METTL13: variants seen among roughly 807,000 people sequenced by gnomAD.
METTL13 encodes eEF1A lysine and N-terminal methyltransferase.
A neutral mutation model predicts 67.4 loss-of-function variants in METTL13; 52 were observed. That is an observed-to-expected ratio of 0.77 (90% CI 0.62 to 0.97). METTL13 has a LOEUF of 0.97. Ranked by LOEUF, METTL13 falls within the 50% of genes least tolerant of loss-of-function variation. The pLI, the probability that METTL13 is intolerant of heterozygous loss-of-function variation, is 0.00. For missense variants in METTL13, 825 were observed against 889.6 expected (o/e 0.93, Z 0.92); for synonymous variants, 354 against 353.6 (o/e 1.00, Z -0.01).
rs771902051 is a variant in METTL13, at chr1:171,790,464, G to A, written c.1322G>A (p.Arg441Gln). 47 of 1,597,844 alleles carry A rather than the reference G, an allele frequency of 2.9e-5. No homozygotes were observed. In the Middle Eastern group the frequency reaches 5.0e-4, roughly 17 times the overall value. ...KDVSHKAQKK[R>Q]KKDRKKQRPA... is the part of the protein sequence containing the mutation. ...ATCTCTTGTTTAGCCCAGAAGAAGC[G>A]GAAAAAGGACAGGAAGAAGCAGCGG... The change falls in exon 5 of 8, where the codon CGG becomes CAG. Residue 441 changes from arginine (R) to glutamine (Q), a missense_variant. Arg to Gln is a conservative substitution (Grantham distance 43). Transcript: ENST00000361735.
At chr1:171,788,286 T>C (rs531769254) in intron 4 of METTL13, among the ~76,000 whole-genome samples, 1 of 152,332 alleles carries the variant, frequency 6.6e-6, no homozygotes, top group South Asian at 2.1e-4. Context: ...CCCTCCATAG[T>C]GTGACTCACC....
chr1:171,792,322 T>G, intron 6 of METTL13, 87 bp downstream of exon 6: 2 of 1,434,412 alleles, frequency 1.4e-6, no homozygotes, highest in Non-Finnish European at 1.9e-6. Context: ...AGTTTATCTC[T>G]AAGAGAGTGG....
Position 171,787,917 on chromosome 1 carries a change from T to A in METTL13, c.1296T>A (p.Asp432Glu). Residue 432 changes from aspartate (D) to glutamate (E), a missense_variant, in exon 4 of 8, where the codon GAT becomes GAA. Physicochemically the swap from Asp to Glu is conservative, Grantham distance 45. Coordinates refer to ENST00000361735, the MANE Select transcript of METTL13 (RefSeq NM_015935.5). The stretch of plus-strand genomic sequence containing the variant: ...AGTCCGAAGCCAGGTTGCTGAAGGA[T>A]GTGTCTCACAAAGGTGAGGTGTCAT... ...VVQSEARLLK[D>E]VSHKAQKKRK... The A allele has an allele frequency of 6.2e-7, 1 of 1,613,468 alleles. No homozygotes were observed. The highest frequency in any genetic ancestry group is 8.5e-7 in the Non-Finnish European group (1 of 1,179,902).
rs150575910 is a variant in METTL13 at position 171,783,869 on chromosome 1, C to T, written c.283C>T (p.Arg95Trp). 597 of 1,614,180 alleles carry T rather than the reference C, an allele frequency of 3.7e-4. 2 individuals are homozygous for T. The highest frequency in any genetic ancestry group is 4.8e-4 in the Non-Finnish European group (567 of 1,180,048). Residue 95 changes from arginine to tryptophan, a missense_variant, in exon 2 of 8, where the codon CGG becomes TGG. Physicochemically the swap from Arg to Trp is moderately radical, Grantham distance 101 (BLOSUM62 -3). Coordinates refer to ENST00000361735, the MANE Select transcript of METTL13 (RefSeq NM_015935.5). ...KQMKECNATR[R>W]PQMSFLKMDM... ...AATGAAGGAATGTAATGCCACCCGA[C>T]GGCCCCAGATGAGCTTCTTGAAGAT...
intron 2 of METTL13, among the ~76,000 whole-genome samples, chr1:171,785,549 A>G (rs1453417768): frequency 6.6e-6 from 1 of 152,268 alleles, no homozygotes; most frequent in East Asian, 1.9e-4. Context: ...CTGTTGGAGG[A>G]TTCCATTAAT....
chr1:171,785,879 T>G lies in METTL13; in HGVS notation c.914T>G (p.Ile305Ser). Residue 305 changes from isoleucine (I) to serine (S), a missense_variant and splice_region_variant, in exon 3 of 8, where the codon ATC becomes AGC. Ile to Ser is a moderately radical substitution (Grantham distance 142). Coordinates refer to ENST00000361735, the MANE Select transcript of METTL13 (RefSeq NM_015935.5). Reference protein sequence around the residue: ...SRDNHFAIFIIPQGRETEWLF... With the variant: ...SRDNHFAIFISPQGRETEWLF... ...CCTGTAACCAAGTTCTTTTTTCTAG[T>G]CCCTCAGGGCCGGGAGACCGAGTGG... The G allele has an allele frequency of 6.2e-7, 1 of 1,612,276 alleles. No individual in the cohort carries two copies. The highest frequency in any genetic ancestry group is 1.1e-5 in the South Asian group (1 of 90,880).
At position 171,787,858 on chromosome 1, in the gene METTL13, C is replaced by T. The variant is rs963906263; in HGVS notation, c.1237C>T (p.Arg413Ter). 8 of 1,613,980 alleles carry T rather than the reference C, an allele frequency of 5.0e-6. No individual in the cohort carries two copies. Among genetic ancestry groups the T allele is most frequent in the East Asian group, 2.2e-5 (1 of 44,878 alleles). ...AGGGGATGACAAGCGATACTTCCGT[C>T]GACTGATCTTCCTCAGCAACAGGAA... ...VQGDDKRYFRRLIFLSNRNVV... is the reference protein window; with the variant it reads ...VQGDDKRYFR The change falls in exon 4 of 8, where the codon CGA (arginine) becomes TGA (stop). Residue 413 changes from arginine (R) to a stop codon, truncating the protein, a stop_gained. Transcript: ENST00000361735. LOFTEE classifies it high-confidence loss of function.
In METTL13 at chr1:171,797,571, T is replaced by C. The variant is rs2029870342; in HGVS notation, c.*815T>C. The C allele has an allele frequency of 6.6e-6, 1 of 152,222 alleles. No homozygotes were observed. Among genetic ancestry groups the C allele is most frequent in the African/African-American group, 2.4e-5 (1 of 41,458 alleles). The allele number at this position is 152,222 out of a possible 1,614,324, so 9.4% of individuals were successfully genotyped here. ...ATGAAAGTTAATGTGTTCCAGGCATTCTTCTAAGTGGTTTACATGCACTGT... is the reference window on the plus strand; with the variant it reads ...ATGAAAGTTAATGTGTTCCAGGCATCCTTCTAAGTGGTTTACATGCACTGT... On this transcript the variant is annotated 3_prime_UTR_variant, in exon 8 of 8. Transcript: ENST00000361735.
chr1:171,781,801 G>T lies in METTL13; in HGVS notation c.-167G>T. On this transcript the variant is annotated 5_prime_UTR_variant, in exon 1 of 8. Transcript: ENST00000361735. ...TCCATGCGTGCGTTTGTCGTGTAAG[G>T]GTCATTCCTGGGGTTTGGAGTGGGG... The T allele has an allele frequency of 6.9e-7, 1 of 1,442,772 alleles. No homozygotes were observed. Among genetic ancestry groups the T allele is most frequent in the East Asian group, 2.5e-5 (1 of 39,614 alleles). The allele number at this position is 1,442,772 out of a possible 1,614,324, so 89.4% of individuals were successfully genotyped here.
intron 6 of METTL13, among the ~76,000 whole-genome samples, chr1:171,793,247 G>T (rs1657263959): frequency 6.6e-6 from 1 of 152,240 alleles, no homozygotes. Context: ...GAATTGAATT[G>T]TAACAGTTTC....
rs746619769 is a variant in METTL13 at position 171,784,427 on chromosome 1, C to T, written c.841C>T (p.Arg281Cys). The change falls in exon 2 of 8, where the codon CGC becomes TGC. Residue 281 changes from arginine (R) to cysteine (C), a missense_variant. Arg to Cys is a radical substitution (Grantham distance 180). Coordinates refer to ENST00000361735, the MANE Select transcript of METTL13 (RefSeq NM_015935.5). ...GTGCGATGGGGACACGGGGGAGCCA[C>T]GCTACACCCTCCACGTGGTGGACAG... The part of the protein sequence containing the change: ...DLCDGDTGEP[R>C]YTLHVVDSPT... 26 of 1,522,890 alleles carry T rather than the reference C, an allele frequency of 1.7e-5. No individual in the cohort carries two copies. Among genetic ancestry groups the T allele is most frequent in the African/African-American group, 4.2e-5 (3 of 71,934 alleles). The allele number at this position is 1,522,890 out of a possible 1,614,324, so 94.3% of individuals were successfully genotyped here. A position where few individuals can be genotyped will look rare whatever the true frequency, so the allele number is the denominator to read the frequency against.
chr1:171,796,412 C>A, intron 7 of METTL13, 70 bp from the exon 8 acceptor site: 1 of 1,568,708 alleles, frequency 6.4e-7, no homozygotes, highest in South Asian at 1.2e-5. Flanking sequence ...GTATTTTCCT[C>A]AAAGCCGATC....
At chr1:171,789,491 A>T (rs1657131132) in intron 4 of METTL13, among the ~76,000 whole-genome samples, 1 of 152,212 alleles carries the variant, frequency 6.6e-6, no homozygotes, top group African/African-American at 2.4e-5. Context: ...CAGTCCGAGG[A>T]TCAACTCCTA....
intron 1 of METTL13, among the ~76,000 whole-genome samples, chr1:171,782,412 GA>G (rs1037435483): frequency 6.6e-6 from 1 of 151,552 alleles, no homozygotes; most frequent in African/African-American, 2.4e-5. Context: ...TACAAAAAAT[GA>G]AAAAATTAGC....
intron 5 of METTL13, 146 bp downstream of exon 5, chr1:171,790,762 G>A: frequency 1.2e-6 from 1 of 866,122 alleles, no homozygotes; most frequent in Non-Finnish European, 1.6e-6. Flanking sequence ...ATAAGTTAAT[G>A]AGCATTCTAA....
chr1:171,793,349 G>C (rs1270803654), intron 6 of METTL13, among the ~76,000 whole-genome samples: 2 of 152,234 alleles, frequency 1.3e-5, no homozygotes, highest in African/African-American at 2.4e-5. Context: ...CATGCACATG[G>C]TAAGTACTTA....
chr1:171,789,735 C>A (rs1234371900), intron 4 of METTL13, among the ~76,000 whole-genome samples: 1 of 151,522 alleles, frequency 6.6e-6, no homozygotes, highest in Non-Finnish European at 1.5e-5. Context: ...ACCAGGGCTC[C>A]TCAGTTGAGT....
Position 171,781,803 on chromosome 1 carries a change from T to A in METTL13, c.-165T>A. The A allele has an allele frequency of 6.9e-7, 1 of 1,442,520 alleles. No homozygotes were observed. The highest frequency in any genetic ancestry group is 9.1e-7 in the Non-Finnish European group (1 of 1,099,070). The allele number at this position is 1,442,520 out of a possible 1,614,324, so 89.4% of individuals were successfully genotyped here. A position where few individuals can be genotyped will look rare whatever the true frequency, so the allele number is the denominator to read the frequency against. ...CATGCGTGCGTTTGTCGTGTAAGGGTCATTCCTGGGGTTTGGAGTGGGGGA... is the reference window on the plus strand; with the variant it reads ...CATGCGTGCGTTTGTCGTGTAAGGGACATTCCTGGGGTTTGGAGTGGGGGA... On this transcript the variant is annotated 5_prime_UTR_variant, in exon 1 of 8. Transcript: ENST00000361735.
rs148254472 is a variant in METTL13, at chr1:171,787,776, C to T, written c.1155C>T (p.Thr385=). Reference sequence around the variant, plus strand: ...TGGGTGGGGACATTGGGGTCCGGACCGTTCAGCACCAAGACTGCAGCCCCT... The same window carrying T: ...TGGGTGGGGACATTGGGGTCCGGACTGTTCAGCACCAAGACTGCAGCCCCT... ...LSVGGDIGVR[T]VQHQDCSPLS... The change falls in exon 4 of 8, where the codon ACC becomes ACT. Residue 385 remains threonine, a synonymous_variant. Coordinates refer to ENST00000361735, the MANE Select transcript of METTL13 (RefSeq NM_015935.5). 15 of 1,614,106 alleles carry T rather than the reference C, an allele frequency of 9.3e-6. No homozygotes were observed. The highest frequency in any genetic ancestry group is 5.3e-5 in the African/African-American group (4 of 75,016).
Sources: allele counts gnomAD v4.1 joint callset (sites outside exome capture counted in the v4.1 genomes callset), GRCh38; gene constraint gnomAD v4.1.1; transcripts MANE v1.5; gene names NCBI Gene and HGNC (gene_info 2026-07-23, HGNC 2026-07-21).